Variants in TBCE observed in about 807,000 individuals in gnomAD.
The protein encoded by TBCE is tubulin-specific chaperone E.
A neutral mutation model predicts 77.0 loss-of-function variants in TBCE; 53 were observed. That is an observed-to-expected ratio of 0.69 (90% CI 0.55 to 0.87). TBCE has a LOEUF of 0.87. Among genes scored for constraint, TBCE ranks in the 40% least tolerant of loss-of-function variants. The pLI, the probability that TBCE is intolerant of heterozygous loss-of-function variation, is 0.00. For synonymous variants in TBCE, 235 were observed against 241.3 expected (o/e 0.97, Z 0.24); for missense variants, 624 against 622.4 (o/e 1.00, Z -0.03).
chr1:235,448,603 G>A (rs776916053), intron 16 of TBCE, 67 bp from the exon 17 acceptor site: 3 of 1,435,522 alleles, frequency 2.1e-6, no homozygotes, highest in African/African-American at 1.4e-5. Flanking sequence ...TGGGGGAAGA[G>A]TATGTGTAGC....
chr1:235,396,528 T>TA (rs1280223783), intron 2 of TBCE, among the ~76,000 whole-genome samples: 6 of 152,208 alleles, frequency 3.9e-5, no homozygotes, highest in African/African-American at 1.4e-4. Context: ...TGCTGGAACA[T>TA]ATGGCAGTTC....
At chr1:235,445,194 CCTTT>C (rs1682162336) in intron 15 of TBCE, among the ~76,000 whole-genome samples, 2 of 152,338 alleles carry the variant, frequency 1.3e-5, no homozygotes, top group African/African-American at 4.8e-5. Flanking sequence ...TACAAGGGTT[CCTTT>C]TTTTCCCCTT....
At chr1:235,440,063 C>T (rs976700639) in intron 13 of TBCE, among the ~76,000 whole-genome samples, 13 of 151,958 alleles carry the variant, frequency 8.6e-5, no homozygotes, top group African/African-American at 2.4e-4. Context: ...CTCCGCCTCC[C>T]GGGTTCACGC....
chr1:235,380,935 G>A lies in TBCE; in HGVS notation c.100+786G>A, dbSNP rs149223226. On this transcript the variant is annotated intron_variant, in intron 2 of 16. Transcript: ENST00000642610. ...CGAGTAGCTGGGATTTCAGGCATGT[G>A]CCACCACACCCGACTAATTTTGAAT... is the stretch of plus-strand genomic sequence containing the variant. Among the ~76,000 whole-genome samples, 825 of 152,178 alleles carry A rather than the reference G, an allele frequency of 5.4e-3. 8 individuals are homozygous for A. Among genetic ancestry groups the A allele is most frequent in the African/African-American group, 0.019 (801 of 41,512 alleles).
At chr1:235,433,221 C>G in intron 7 of TBCE, 2 of 1,267,084 alleles carry the variant, frequency 1.6e-6, no homozygotes, top group Non-Finnish European at 2.0e-6. Context: ...AGGGCGTCAT[C>G]TCAACTATTT....
chr1:235,387,085 A>G (rs1432249475), intron 2 of TBCE, among the ~76,000 whole-genome samples: 3 of 152,346 alleles, frequency 2.0e-5, no homozygotes, highest in Admixed American at 2.0e-4. Flanking sequence ...TTGCCTGGGT[A>G]TCAGCAGCAG....
chr1:235,372,906 A>G (rs867867262), intron 1 of TBCE, among the ~76,000 whole-genome samples: 6 of 147,886 alleles, frequency 4.1e-5, no homozygotes, highest in Non-Finnish European at 7.4e-5. Context: ...CCTGGGCGAC[A>G]GAGTGAGACT....
At chr1:235,378,815 C>T (rs528378083) in intron 1 of TBCE, among the ~76,000 whole-genome samples, 6 of 152,076 alleles carry the variant, frequency 3.9e-5, no homozygotes, top group East Asian at 3.9e-4. Flanking sequence ...TAGCAGAGAT[C>T]GTGCCACTGC....
At chr1:235,376,245 A>C (rs1022312531) in intron 1 of TBCE, among the ~76,000 whole-genome samples, 2 of 152,150 alleles carry the variant, frequency 1.3e-5, no homozygotes, top group Admixed American at 6.6e-5. Flanking sequence ...TAGATTAATA[A>C]TGAGAATGGC....
chr1:235,379,564 A>G (rs1206209077), intron 1 of TBCE, among the ~76,000 whole-genome samples: 1 of 151,760 alleles, frequency 6.6e-6, no homozygotes, highest in African/African-American at 2.4e-5. Flanking sequence ...ACACATTTCT[A>G]GCGCAAATGT....
At chr1:235,384,403 C>T (rs1418019592) in intron 2 of TBCE, among the ~76,000 whole-genome samples, 1 of 146,166 alleles carries the variant, frequency 6.8e-6, no homozygotes, top group African/African-American at 2.5e-5. Flanking sequence ...ACCTGTTCCT[C>T]CTTGTACCTC....
At chr1:235,400,939 G>A (rs7547849) in intron 2 of TBCE, among the ~76,000 whole-genome samples, 50,428 of 150,656 alleles carry the variant, frequency 0.33, 9,224 homozygotes, top group Non-Finnish European at 0.42. Flanking sequence ...CCTGACCTCA[G>A]GTGATCCGCC....
chr1:235,425,283 C>A (rs2102903075), intron 5 of TBCE, among the ~76,000 whole-genome samples: 1 of 152,216 alleles, frequency 6.6e-6, no homozygotes, highest in South Asian at 2.1e-4. Context: ...TTGTCCTTGA[C>A]ACTCCCTTTC....
intron 4 of TBCE, chr1:235,415,868 ATATAAG>A (rs1228748587): frequency 3.3e-5 from 5 of 152,096 alleles, no homozygotes; most frequent in Non-Finnish European, 7.4e-5. Context: ...CACCACTTAG[ATATAAG>A]TATCGTAAAC....
rs889788311 is a variant in TBCE at position 235,414,598 on chromosome 1, C to T, written c.351C>T (p.Asp117=). 4 of 1,613,494 alleles carry T rather than the reference C, an allele frequency of 2.5e-6. No individual in the cohort carries two copies. Among genetic ancestry groups the T allele is most frequent in the African/African-American group, 2.7e-5 (2 of 74,888 alleles). ...AACCTGTGGAGACTATCGGTTTTGA[C>T]TCTATTATGAAACAGCAAAGGTAAG... ...GNKPVETIGF[D]SIMKQQSQLS... The change falls in exon 4 of 17, where the codon GAC becomes GAT. Residue 117 remains aspartate (D), a synonymous_variant. Coordinates refer to ENST00000642610, the MANE Select transcript of TBCE (RefSeq NM_003193.5).
rs1245219047 is a variant in TBCE, at chr1:235,449,231, A to T, written c.*469A>T. On this transcript the variant is annotated 3_prime_UTR_variant, in exon 17 of 17. Coordinates refer to ENST00000642610, the MANE Select transcript of TBCE (RefSeq NM_003193.5). Reference sequence around the variant, plus strand: ...CTACTATGTATAACAATATGCTATTATCTGTCTTCTCAGTTGCACTATTTC... The same window carrying T: ...CTACTATGTATAACAATATGCTATTTTCTGTCTTCTCAGTTGCACTATTTC... 1.1e-5 allele frequency: 2 copies of T among 186,790 alleles called. No individual in the cohort carries two copies. The highest frequency in any genetic ancestry group is 2.3e-5 in the Non-Finnish European group (2 of 88,658). 11.6% of individuals were successfully genotyped at this position (186,790 alleles called of 1,614,324 possible).
rs1472053195 is a variant in TBCE, at chr1:235,450,515, A to C, written c.*1753A>C. 4 of 682,936 alleles carry C rather than the reference A, an allele frequency of 5.9e-6. No homozygotes were observed. The highest frequency in any genetic ancestry group is 9.6e-6 in the Non-Finnish European group (4 of 417,654). 42.3% of individuals were successfully genotyped at this position (682,936 alleles called of 1,614,324 possible). A position where few individuals can be genotyped will look rare whatever the true frequency, so the allele number is the denominator to read the frequency against. On this transcript the variant is annotated 3_prime_UTR_variant, in exon 17 of 17. Transcript: ENST00000642610. ...GGGGTGGCACCTCCTGATTTGGGAA[A>C]GCACCAGGTCCCACAGTCCTGTGGC...
At chr1:235,397,283 G>C (rs1678794744) in intron 2 of TBCE, among the ~76,000 whole-genome samples, 2 of 148,998 alleles carry the variant, frequency 1.3e-5, no homozygotes, top group Non-Finnish European at 3.0e-5. Flanking sequence ...CTCACTGCAA[G>C]CTCCGCCTCC....
intron 5 of TBCE, among the ~76,000 whole-genome samples, chr1:235,420,481 ATTTTTTTT>A (rs36062739): frequency 6.5e-5 from 7 of 107,090 alleles, no homozygotes. Context: ...TGTCTGGCTA[ATTTTTTTT>A]TTTTTTTTTT....
Sources: gnomAD v4.1 joint callset for allele counts (sites outside exome capture counted in the v4.1 genomes callset) on GRCh38, gnomAD v4.1.1 for gene constraint, MANE v1.5 for transcripts, NCBI Gene and HGNC (gene_info 2026-07-23, HGNC 2026-07-21) for gene names.